The following DOCK1 variants were observed in gnomAD, a reference collection of about 807,000 sequenced individuals.
DOCK1 encodes the protein dedicator of cytokinesis 1.
Under a neutral mutation model 262.7 loss-of-function variants are expected in DOCK1, and 138 were observed. That is an observed-to-expected ratio of 0.53 (90% CI 0.46 to 0.61). The LOEUF is 0.61. DOCK1 is among the 20% of genes least tolerant of loss of function. The probability of loss-of-function intolerance (pLI) is 0.00; values close to 1 mark genes in which losing one functional copy is unlikely to be tolerated. For missense variants in DOCK1, 1,908 were observed against 2,370.7 expected (o/e 0.80, Z 4.05); for synonymous variants, 866 against 867.4 (o/e 1.00, Z 0.03).
chr10:127,380,447 A>G (rs551182229), intron 36 of DOCK1, among the ~76,000 whole-genome samples: 1 of 152,338 alleles, frequency 6.6e-6, no homozygotes, highest in Middle Eastern at 3.4e-3. Flanking sequence ...AATGTTTCAC[A>G]GTAAGTTATA....
At chr10:127,022,690 C>G (rs1469099047) in intron 13 of DOCK1, among the ~76,000 whole-genome samples, 1 of 152,182 alleles carries the variant, frequency 6.6e-6, no homozygotes, top group Non-Finnish European at 1.5e-5. Context: ...GCCACCTCGC[C>G]TGGCCGGTCC....
At chr10:127,402,970 T>G in intron 38 of DOCK1, 85 bp from the exon 39 acceptor site, 1 of 1,228,692 alleles carries the variant, frequency 8.1e-7, no homozygotes, top group South Asian at 1.4e-5. Flanking sequence ...CTACACTGTT[T>G]TATTTTGAAT....
intron 10 of DOCK1, chr10:127,007,399 T>C (rs904284605): frequency 9.2e-5 from 14 of 152,310 alleles, no homozygotes; most frequent in African/African-American, 3.4e-4. Flanking sequence ...ATATTTAGAC[T>C]GATCCTCTTA....
At position 126,961,956 on chromosome 10, in the gene DOCK1, C is replaced by T. The variant is rs2037256762; in HGVS notation, c.47-8746C>T. 4.6e-5 allele frequency among the ~76,000 whole-genome samples: 7 copies of T among 152,270 alleles called. No individual in the cohort carries two copies. The South Asian group carries it at 1.5e-3, about 32-fold the overall frequency. On this transcript the variant is annotated intron_variant, in intron 1 of 51. Coordinates refer to ENST00000623213, the MANE Select transcript of DOCK1 (RefSeq NM_001290223.2). Reference sequence around the variant, plus strand: ...CCAGTAACTTGCAGAGTTCCAGTTTCTTCGTGTCCTTACCAAGGTTGTTAT... The same window carrying T: ...CCAGTAACTTGCAGAGTTCCAGTTTTTTCGTGTCCTTACCAAGGTTGTTAT...
intron 1 of DOCK1, among the ~76,000 whole-genome samples, chr10:126,948,610 G>A (rs1170095594): frequency 6.6e-6 from 1 of 151,974 alleles, no homozygotes. Context: ...CCAGGCCACA[G>A]ATGGAGAAGG....
intron 25 of DOCK1, among the ~76,000 whole-genome samples, chr10:127,113,334 T>C (rs2048980834): frequency 1.3e-5 from 2 of 152,194 alleles, no homozygotes; most frequent in Admixed American, 1.3e-4. Flanking sequence ...ACTGTATGTG[T>C]CCTCCAGGCT....
intron 29 of DOCK1, among the ~76,000 whole-genome samples, chr10:127,320,165 T>C (rs1307904430): frequency 6.6e-6 from 1 of 152,084 alleles, no homozygotes; most frequent in African/African-American, 2.4e-5. Flanking sequence ...TTCTGGGGCC[T>C]GGCCTTGCAG....
At chr10:127,152,519 T>C (rs2052604964) in intron 27 of DOCK1, among the ~76,000 whole-genome samples, 1 of 152,214 alleles carries the variant, frequency 6.6e-6, no homozygotes, top group Non-Finnish European at 1.5e-5. Context: ...TGTGTGTGCC[T>C]CTTACAACAC....
rs748989064 is a variant in DOCK1 at position 127,175,943 on chromosome 10, G to A, written c.2847+48179G>A. The A allele has an allele frequency of 8.1e-6, 13 of 1,614,084 alleles. No homozygotes were observed. The Admixed American group carries it at 8.3e-5, about 10-fold the overall frequency. On this transcript the variant is annotated intron_variant, in intron 27 of 51. Coordinates refer to ENST00000623213, the MANE Select transcript of DOCK1 (RefSeq NM_001290223.2). This position sits in a 1 kb window ranked among gnomAD's most constrained non-coding sequence, Gnocchi z 6.3. Reference sequence around the variant, plus strand: ...GGGCCTCCTCCATGGGTCCAGCCTCGTTCTTCTCTTTCGCATCTGTTAGAA... The same window carrying A: ...GGGCCTCCTCCATGGGTCCAGCCTCATTCTTCTCTTTCGCATCTGTTAGAA...
intron 33 of DOCK1, among the ~76,000 whole-genome samples, chr10:127,365,390 A>G (rs74323234): frequency 0.089 from 13,486 of 152,262 alleles, 718 homozygotes; most frequent in African/African-American, 0.15. Context: ...TGCTGGCACT[A>G]TATCATGGCC....
At chr10:126,922,403 C>T (rs146295260) in intron 1 of DOCK1, among the ~76,000 whole-genome samples, 1 of 152,156 alleles carries the variant, frequency 6.6e-6, no homozygotes, top group African/African-American at 2.4e-5. Context: ...AGCTGCCACA[C>T]TCTAGTCCAG....
intron 27 of DOCK1, among the ~76,000 whole-genome samples, chr10:127,236,688 T>G (rs1457559422): frequency 6.6e-6 from 1 of 152,010 alleles, no homozygotes; most frequent in Non-Finnish European, 1.5e-5. Context: ...TAGGTCTTAT[T>G]TGACTCCCGT....
chr10:126,949,355 C>G (rs1199628412), intron 1 of DOCK1, among the ~76,000 whole-genome samples: 5 of 152,088 alleles, frequency 3.3e-5, no homozygotes, highest in African/African-American at 1.2e-4. Flanking sequence ...TGTTGCTTGA[C>G]AAGTGCAACC....
In DOCK1 at chr10:127,000,313, C is replaced by G; in HGVS notation, c.985+6C>G. 6.2e-7 allele frequency: 1 copy of G among 1,613,276 alleles called. No individual in the cohort carries two copies. The highest frequency in any genetic ancestry group is 1.7e-5 in the Admixed American group (1 of 59,924). The stretch of plus-strand genomic sequence containing the variant: ...GCGACCTTTTGGAGTGGCTGGTAAT[C>G]TATTTCTCTGTGTTTCCTTGAGAGT... On this transcript the variant is annotated splice_donor_region_variant and intron_variant, in intron 10 of 51. Transcript: ENST00000623213.
At chr10:126,959,089 T>C in intron 1 of DOCK1, among the ~76,000 whole-genome samples, 1 of 152,164 alleles carries the variant, frequency 6.6e-6, no homozygotes, top group East Asian at 1.9e-4. Flanking sequence ...TGACAATTGG[T>C]TGAGTTTGTC....
intron 25 of DOCK1, among the ~76,000 whole-genome samples, chr10:127,117,983 G>A (rs1196324646): frequency 2.0e-5 from 3 of 152,052 alleles, no homozygotes; most frequent in African/African-American, 7.2e-5. Flanking sequence ...CAGTCCTTCC[G>A]CTAAGATGAA....
intron 14 of DOCK1, among the ~76,000 whole-genome samples, chr10:127,023,672 A>G (rs2042612558): frequency 6.6e-6 from 1 of 150,962 alleles, no homozygotes; most frequent in Admixed American, 6.6e-5. Flanking sequence ...TGTTGACCTC[A>G]AATAATCCGC....
At chr10:127,429,015 T>C (rs1204141414) in intron 47 of DOCK1, among the ~76,000 whole-genome samples, 1 of 140,550 alleles carries the variant, frequency 7.1e-6, no homozygotes, top group African/African-American at 2.7e-5. Context: ...GCCGTGTGGA[T>C]TGGGGTGCCG....
intron 27 of DOCK1, among the ~76,000 whole-genome samples, chr10:127,156,357 G>A (rs1029162564): frequency 3.9e-5 from 6 of 152,092 alleles, no homozygotes; most frequent in African/African-American, 1.4e-4. Context: ...GCTGGGGCTG[G>A]TGTTCTGCAC....
Sources: gnomAD v4.1 joint callset for allele counts (sites outside exome capture counted in the v4.1 genomes callset) on GRCh38, gnomAD v4.1.1 for gene constraint, Gnocchi (gnomAD v3.1) non-coding constraint, MANE v1.5 for transcripts, NCBI Gene and HGNC (gene_info 2026-07-23, HGNC 2026-07-21) for gene names.